MYOF: variants seen among roughly 807,000 people sequenced by gnomAD.
MYOF encodes the protein myoferlin.
Under a neutral mutation model 284.2 loss-of-function variants are expected in MYOF, and 244 were observed. That is an observed-to-expected ratio of 0.86 (90% CI 0.77 to 0.95). The LOEUF is 0.95. MYOF is among the 40% of genes least tolerant of loss of function. The pLI is 0.00. For missense variants in MYOF, 2,496 were observed against 2,560.6 expected (o/e 0.97, Z 0.54); for synonymous variants, 904 against 919.7 (o/e 0.98, Z 0.31).
At position 93,443,472 on chromosome 10, in the gene MYOF, C is replaced by CTCTGTG. The variant is rs1201572994; in HGVS notation, c.236+8577_236+8578insCACAGA. ...TTCTTCTCTCTCTCTCTCTCTCTCT[C>CTCTGTG]TGTGTGTGTGTGTGTGTGTGTGTGT... On this transcript the variant is annotated intron_variant, in intron 3 of 53. Transcript: ENST00000359263. Among the ~76,000 whole-genome samples the CTCTGTG allele has an allele frequency of 2.4e-3, 336 of 137,224 alleles. 2 individuals carry two copies. The highest frequency in any genetic ancestry group is 0.016 in the Admixed American group (227 of 13,936). 90.0% of individuals were successfully genotyped at this position (137,224 alleles called of 152,430 possible).
chr10:93,366,997 G>C (rs1845356383), intron 25 of MYOF, among the ~76,000 whole-genome samples: 1 of 152,152 alleles, frequency 6.6e-6, no homozygotes, highest in Non-Finnish European at 1.5e-5. Flanking sequence ...CTACTGCTGA[G>C]AACTTGGGGC....
At position 93,378,693 on chromosome 10, in the gene MYOF, G is replaced by GTATATATATATATATATA. The variant is rs66859494; in HGVS notation, c.2001+1152_2001+1169dup. On this transcript the variant is annotated intron_variant, in intron 21 of 53. Transcript: ENST00000359263. ...TATGTGTGTGTGTATGTGTGTGTGT[G>GTATATATATATATATATA]TATATATATATATATATATATATGT... Among the ~76,000 whole-genome samples the GTATATATATATATATATA allele has an allele frequency of 7.8e-3, 686 of 87,828 alleles. 13 individuals are homozygous for GTATATATATATATATATA. Among genetic ancestry groups the GTATATATATATATATATA allele is most frequent in the Non-Finnish European group, 8.9e-3 (423 of 47,526 alleles). 57.6% of individuals were successfully genotyped at this position (87,828 alleles called of 152,430 possible).
In MYOF at chr10:93,310,293, T is replaced by C. The variant is rs571554271; in HGVS notation, c.6000-126A>G. 2,331 of 1,251,380 alleles carry C rather than the reference T, an allele frequency of 1.9e-3. 3 individuals carry two copies. Among genetic ancestry groups the C allele is most frequent in the Non-Finnish European group, 2.4e-3 (2,169 of 900,434 alleles). 77.5% of individuals were successfully genotyped at this position (1,251,380 alleles called of 1,614,324 possible). A position where few individuals can be genotyped will look rare whatever the true frequency, so the allele number is the denominator to read the frequency against. The stretch of plus-strand genomic sequence containing the variant: ...AGGTCAAGAAAAAATACTGTTCCCC[T>C]TCGTTGACTGAGAAAGGCTCTTTAA... On this transcript the variant is annotated intron_variant, in intron 52 of 53. Transcript: ENST00000359263.
chr10:93,325,758 A>G, intron 46 of MYOF, 68 bp downstream of exon 46: 9 of 1,523,690 alleles, frequency 5.9e-6, no homozygotes, highest in Non-Finnish European at 8.0e-6. Context: ...AAAGGCGCAA[A>G]AATGTCAACT....
chr10:93,337,807 C>A lies in MYOF; in HGVS notation c.4437+8G>T, dbSNP rs768377449. ...ATTCTCCACCCATAGCAGCATAGAT[C>A]CAGGTACCTTGAGCTTGGAATAGCC... On this transcript the variant is annotated splice_region_variant and intron_variant, in intron 40 of 53. Transcript: ENST00000359263. The A allele has an allele frequency of 3.1e-6, 5 of 1,610,130 alleles. No individual in the cohort carries two copies. Among genetic ancestry groups the A allele is most frequent in the Admixed American group, 1.7e-5 (1 of 59,976 alleles).
At chr10:93,425,486 C>A (rs1002011984) in intron 5 of MYOF, among the ~76,000 whole-genome samples, 4 of 152,140 alleles carry the variant, frequency 2.6e-5, no homozygotes, top group Non-Finnish European at 5.9e-5. Flanking sequence ...TAGACTGGCA[C>A]CTGATGGCCC....
chr10:93,462,939 T>C (rs374826622), intron 1 of MYOF, among the ~76,000 whole-genome samples: 1 of 152,294 alleles, frequency 6.6e-6, no homozygotes, highest in South Asian at 2.1e-4. Flanking sequence ...TGCGTCTAAT[T>C]TTATTAAGAT....
At chr10:93,465,040 G>A (rs1313939182) in intron 1 of MYOF, among the ~76,000 whole-genome samples, 1 of 152,144 alleles carries the variant, frequency 6.6e-6, no homozygotes. Flanking sequence ...GCTCTGAACT[G>A]AGTCACTGTT....
intron 7 of MYOF, among the ~76,000 whole-genome samples, chr10:93,405,744 G>A (rs1847530178): frequency 1.3e-5 from 2 of 151,498 alleles, no homozygotes; most frequent in East Asian, 1.9e-4. Context: ...CCTATTATTG[G>A]TGATAACAAG....
intron 3 of MYOF, among the ~76,000 whole-genome samples, chr10:93,449,998 C>T (rs2056545195): frequency 6.6e-6 from 1 of 152,054 alleles, no homozygotes. Flanking sequence ...TACTGTACCC[C>T]TGTAATCCCA....
At chr10:93,434,453 A>G (rs1849023109) in intron 3 of MYOF, among the ~76,000 whole-genome samples, 1 of 151,770 alleles carries the variant, frequency 6.6e-6, no homozygotes, top group Admixed American at 6.6e-5. Flanking sequence ...AAAAACAAAA[A>G]AGAATCTGTA....
At position 93,306,742 on chromosome 10, in the gene MYOF, A is replaced by AAAAT. The variant is rs1842114555; in HGVS notation, c.*217_*220dup. 4.1e-6 allele frequency: 2 copies of AAAAT among 488,180 alleles called. No individual in the cohort carries two copies. Among genetic ancestry groups the AAAAT allele is most frequent in the Non-Finnish European group, 7.2e-6 (2 of 279,168 alleles). The allele number at this position is 488,180 out of a possible 1,614,324, so 30.2% of individuals were successfully genotyped here. ...TTGAAAAACATGATTTAAACTTTAG[A>AAAAT]AAATAAAACTTTTAATACTTAAGAG... is the stretch of plus-strand genomic sequence containing the variant. On this transcript the variant is annotated 3_prime_UTR_variant, in exon 54 of 54. Coordinates refer to ENST00000359263, the MANE Select transcript of MYOF (RefSeq NM_013451.4).
intron 36 of MYOF, among the ~76,000 whole-genome samples, chr10:93,349,346 C>T (rs1844392535): frequency 6.6e-6 from 1 of 152,144 alleles, no homozygotes; most frequent in Admixed American, 6.5e-5. Context: ...GGAGGTGGGG[C>T]ACAGTTATGG....
intron 21 of MYOF, among the ~76,000 whole-genome samples, chr10:93,378,703 A>ATATATG (rs1845970829): frequency 1.6e-5 from 2 of 127,654 alleles, no homozygotes; most frequent in African/African-American, 6.4e-5. Context: ...GTATATATAT[A>ATATATG]TATATATATA....
chr10:93,476,925 C>T (rs2057276236), intron 1 of MYOF, among the ~76,000 whole-genome samples: 1 of 152,124 alleles, frequency 6.6e-6, no homozygotes, highest in African/African-American at 2.4e-5. Context: ...AAGATTTACA[C>T]AAGACCAGAA....
chr10:93,439,522 CT>C (rs2056180215), intron 3 of MYOF, among the ~76,000 whole-genome samples: 1 of 152,158 alleles, frequency 6.6e-6, no homozygotes, highest in Admixed American at 6.5e-5. Flanking sequence ...GAACTTGAAC[CT>C]TGTAAGATAA....
rs777446025 is a variant in MYOF, at chr10:93,372,927, T to C, written c.2457+3A>G. 32 of 1,614,092 alleles carry C rather than the reference T, an allele frequency of 2.0e-5. No homozygotes were observed. Among genetic ancestry groups the C allele is most frequent in the Non-Finnish European group, 2.7e-5 (32 of 1,180,024 alleles). ...TTTCACATGACACAGTGAAGATATG[T>C]ACCTTCAGAAAGATGGTTTGGGTTT... On this transcript the variant is annotated splice_donor_region_variant and intron_variant, in intron 24 of 53. Coordinates refer to ENST00000359263, the MANE Select transcript of MYOF (RefSeq NM_013451.4).
intron 46 of MYOF, among the ~76,000 whole-genome samples, chr10:93,325,275 C>T (rs1220930896): frequency 1.3e-5 from 2 of 152,160 alleles, no homozygotes; most frequent in African/African-American, 2.4e-5. Context: ...TGCTCTCCAT[C>T]TTCTGGAGTG....
chr10:93,323,868 A>C (rs902444576), intron 46 of MYOF, among the ~76,000 whole-genome samples: 1 of 152,260 alleles, frequency 6.6e-6, no homozygotes, highest in Non-Finnish European at 1.5e-5. Flanking sequence ...ACCTCAAAAT[A>C]TAAAATCAAA....
Sources: gnomAD v4.1 joint callset for allele counts (sites outside exome capture counted in the v4.1 genomes callset) on GRCh38, gnomAD v4.1.1 for gene constraint, MANE v1.5 for transcripts, NCBI Gene and HGNC (gene_info 2026-07-23, HGNC 2026-07-21) for gene names.